PCDHA6: variants seen among roughly 807,000 people sequenced by gnomAD.
The protein encoded by PCDHA6 is protocadherin alpha-6.
PCDHA6 carries 55 observed loss-of-function variants against 60.3 expected under a neutral mutation model. The ratio of observed to expected loss-of-function variants is 0.91; its 90% confidence interval spans 0.73 to 1.14. The LOEUF (loss-of-function observed/expected upper bound fraction) is 1.14, where lower values mean the gene tolerates loss of function less well. Ranked by LOEUF, PCDHA6 falls within the 50% of genes most tolerant of loss-of-function variation. The pLI, the probability that PCDHA6 is intolerant of heterozygous loss-of-function variation, is 0.00. For synonymous variants in PCDHA6, 652 were observed against 557.9 expected (o/e 1.17, Z -2.38); for missense variants, 1,327 against 1,256.5 (o/e 1.06, Z -0.85).
At chr5:140,993,894 A>G (rs1267639459) in intron 3 of PCDHA6, among the ~76,000 whole-genome samples, 2 of 152,204 alleles carry the variant, frequency 1.3e-5, no homozygotes, top group African/African-American at 4.8e-5. Flanking sequence ...TGATGTCCAT[A>G]CAACAAAAAT....
chr5:141,001,842 A>G (rs574186951), intron 3 of PCDHA6, among the ~76,000 whole-genome samples: 108 of 152,288 alleles, frequency 7.1e-4, no homozygotes, highest in Non-Finnish European at 1.3e-3. Context: ...GGAGACAGAG[A>G]GAGAGGTTGA....
chr5:140,967,234 G>A (rs781912172), intron 1 of PCDHA6: 3 of 1,613,746 alleles, frequency 1.9e-6, no homozygotes, highest in South Asian at 1.1e-5. Context: ...ACCAGCTTCA[G>A]GTAAGCGAAT....
chr5:140,857,572 G>A lies in PCDHA6; in HGVS notation c.2394+27087G>A, dbSNP rs144978636. ...AGCGCTCGCTGTCGAGCTACGTGTCGGTGCACGCGGAGAGCGGCAAGGTGT... is the reference window on the plus strand; with the variant it reads ...AGCGCTCGCTGTCGAGCTACGTGTCAGTGCACGCGGAGAGCGGCAAGGTGT... On this transcript the variant is annotated intron_variant, in intron 1 of 3. Transcript: ENST00000529310. 1.4e-3 allele frequency: 2,186 copies of A among 1,596,706 alleles called. 111 individuals are homozygous for A. In the African/African-American group the frequency reaches 0.025, roughly 18 times the overall value.
At chr5:140,877,705 G>A (rs974017564) in intron 1 of PCDHA6, 1 of 1,614,016 alleles carries the variant, frequency 6.2e-7, no homozygotes, top group South Asian at 1.1e-5. Flanking sequence ...CTCCAGCGCC[G>A]TGGGGAGTTG....
At chr5:140,835,817 G>C (rs2150245565) in intron 1 of PCDHA6, 1 of 1,612,752 alleles carries the variant, frequency 6.2e-7, no homozygotes, top group Non-Finnish European at 8.5e-7. Flanking sequence ...TCACTGTGTC[G>C]GCGGGGGACG....
chr5:141,003,574 A>T (rs559561339), intron 3 of PCDHA6, among the ~76,000 whole-genome samples: 1 of 151,680 alleles, frequency 6.6e-6, no homozygotes, highest in African/African-American at 2.4e-5. Context: ...CAGACTCCCA[A>T]AGTGCTGGGA....
At chr5:140,953,580 A>G (rs1053710021) in intron 1 of PCDHA6, among the ~76,000 whole-genome samples, 23 of 151,934 alleles carry the variant, frequency 1.5e-4, no homozygotes, top group Non-Finnish European at 2.4e-4. Context: ...CTCTCCCAAA[A>G]CTGCCTCCTT....
chr5:140,836,517 G>T (rs782570045), intron 1 of PCDHA6: 2 of 1,613,750 alleles, frequency 1.2e-6, no homozygotes, highest in African/African-American at 1.3e-5. Context: ...CAGTCTGTTG[G>T]TGCTTACCCT....
At chr5:140,968,909 G>T in intron 1 of PCDHA6, 1 of 1,614,172 alleles carries the variant, frequency 6.2e-7, no homozygotes, top group East Asian at 2.2e-5. Flanking sequence ...ATTAAGCACA[G>T]TGTCTTTTAT....
At chr5:140,977,461 G>A (rs1554238575) in intron 1 of PCDHA6, among the ~76,000 whole-genome samples, 1 of 152,120 alleles carries the variant, frequency 6.6e-6, no homozygotes, top group African/African-American at 2.4e-5. Context: ...CTTTGATTTG[G>A]TCTGTAGATA....
Position 140,830,237 on chromosome 5 carries a change from C to T in PCDHA6, c.2146C>T (p.Leu716=), listed in dbSNP as rs2150183295. The T allele has an allele frequency of 1.2e-6, 2 of 1,613,954 alleles. No homozygotes were observed. Among genetic ancestry groups the T allele is most frequent in the Non-Finnish European group, 1.7e-6 (2 of 1,179,908 alleles). Residue 716 remains leucine, a synonymous_variant, in exon 1 of 4, where the codon CTG becomes TTG. Transcript: ENST00000529310. ...ATCCAGCCTGCTGGTCCTCACGCTA[C>T]TGCTGTACACAGCGCTGCGGTGCTC... ...AVSSLLVLTL[L]LYTALRCSAP...
At chr5:140,883,474 G>C in intron 1 of PCDHA6, 1 of 1,614,126 alleles carries the variant, frequency 6.2e-7, no homozygotes, top group Middle Eastern at 1.7e-4. Flanking sequence ...CCACCTACAA[G>C]AACTACTACT....
chr5:140,943,679 A>C (rs973228943), intron 1 of PCDHA6, among the ~76,000 whole-genome samples: 3 of 152,248 alleles, frequency 2.0e-5, no homozygotes, highest in African/African-American at 7.2e-5. Context: ...TGTGAAAAAA[A>C]GGGATAAGGT....
intron 1 of PCDHA6, among the ~76,000 whole-genome samples, chr5:140,918,702 G>A (rs2078814490): frequency 6.6e-6 from 1 of 152,150 alleles, no homozygotes; most frequent in Non-Finnish European, 1.5e-5. Flanking sequence ...ATTAAGTCAT[G>A]AGGGCAGAGC....
intron 1 of PCDHA6, among the ~76,000 whole-genome samples, chr5:140,936,885 T>C (rs1490428437): frequency 6.6e-6 from 1 of 152,238 alleles, no homozygotes; most frequent in Non-Finnish European, 1.5e-5. Context: ...CCTGCTTTGA[T>C]TTTAATTGGC....
At position 140,876,973 on chromosome 5, in the gene PCDHA6, G is replaced by A. The variant is rs2056750069; in HGVS notation, c.2394+46488G>A. ...CTCGCTGGTGGAGCGGCGGGTGGGC[G>A]AGCACGCACTGTCGAGCTACGTGTC... is the stretch of plus-strand genomic sequence containing the variant. On this transcript the variant is annotated intron_variant, in intron 1 of 3. Transcript: ENST00000529310. 3 of 1,612,624 alleles carry A rather than the reference G, an allele frequency of 1.9e-6. No individual in the cohort carries two copies. The South Asian group carries it at 3.3e-5, about 18-fold the overall frequency.
In PCDHA6 at chr5:141,010,350, G is replaced by A; in HGVS notation, c.*413G>A. The A allele has an allele frequency of 6.6e-7, 1 of 1,515,722 alleles. No individual in the cohort carries two copies. Among genetic ancestry groups the A allele is most frequent in the Non-Finnish European group, 8.8e-7 (1 of 1,132,152 alleles). The allele number at this position is 1,515,722 out of a possible 1,614,324, so 93.9% of individuals were successfully genotyped here. A position where few individuals can be genotyped will look rare whatever the true frequency, so the allele number is the denominator to read the frequency against. ...GGGAGTTTGTGGCCACTGGGTATGT[G>A]TGGCTACCGCGGGTATGCGAGTGCC... is the stretch of plus-strand genomic sequence containing the variant. On this transcript the variant is annotated 3_prime_UTR_variant, in exon 4 of 4. Transcript: ENST00000529310.
intron 1 of PCDHA6, among the ~76,000 whole-genome samples, chr5:140,970,255 A>G (rs155806): frequency 0.089 from 13,563 of 152,250 alleles, 783 homozygotes; most frequent in Middle Eastern, 0.22. Context: ...GACAGTTTCT[A>G]TGGTTTTGAT....
chr5:140,966,652 G>C (rs556593659), intron 1 of PCDHA6: 2 of 1,169,200 alleles, frequency 1.7e-6, no homozygotes, highest in Admixed American at 3.9e-5. Context: ...GAGCGTGAGC[G>C]GTGGGGGAGC....
Sources: gnomAD v4.1 joint callset for allele counts (sites outside exome capture counted in the v4.1 genomes callset) on GRCh38, gnomAD v4.1.1 for gene constraint, MANE v1.5 for transcripts, NCBI Gene and HGNC (gene_info 2026-07-23, HGNC 2026-07-21) for gene names.